Variants in KCNQ5 observed in about 807,000 individuals in gnomAD.
KCNQ5 encodes the protein potassium voltage-gated channel subfamily KQT member 5.
KCNQ5 carries 30 observed loss-of-function variants against 98.2 expected under a neutral mutation model. The ratio of observed to expected loss-of-function variants is 0.31; its 90% CI spans 0.23 to 0.41. The LOEUF (loss-of-function observed/expected upper bound fraction) is 0.41. KCNQ5 is among the 10% of genes least tolerant of loss of function. The probability of loss-of-function intolerance (pLI) is 1.00; values close to 1 mark genes in which losing one functional copy is unlikely to be tolerated. For synonymous variants in KCNQ5, 458 were observed against 449.4 expected (o/e 1.02, Z -0.24); for missense variants, 835 against 1,182.5 (o/e 0.71, Z 4.31).
chr6:72,703,880 T>C (rs1028293112), intron 1 of KCNQ5, among the ~76,000 whole-genome samples: 1 of 152,198 alleles, frequency 6.6e-6, no homozygotes, highest in African/African-American at 2.4e-5. Flanking sequence ...TTCCAAGAGA[T>C]TTTCTCTTAA....
intron 1 of KCNQ5, among the ~76,000 whole-genome samples, chr6:72,788,730 A>G (rs1232150619): frequency 1.3e-5 from 2 of 152,202 alleles, no homozygotes; most frequent in Non-Finnish European, 2.9e-5. Context: ...CAATAACAGT[A>G]TCATATACCT....
intron 10 of KCNQ5, among the ~76,000 whole-genome samples, chr6:73,161,559 T>C (rs552388349): frequency 6.6e-6 from 1 of 152,342 alleles, no homozygotes; most frequent in African/African-American, 2.4e-5. Context: ...GTTTTATGAA[T>C]GTAATAAATT....
rs150430363 is a variant in KCNQ5, at chr6:73,006,366, G to A, written c.489+2368G>A. On this transcript the variant is annotated intron_variant, in intron 2 of 13. Coordinates refer to ENST00000370398, the MANE Select transcript of KCNQ5 (RefSeq NM_019842.4). ...AAAAGCAATGGCTTTTAAAATGCTTGCAAGACCAGGCACAGTGACTCATGC... is the reference window on the plus strand; with the variant it reads ...AAAAGCAATGGCTTTTAAAATGCTTACAAGACCAGGCACAGTGACTCATGC... Among the ~76,000 whole-genome samples, 3 of 152,078 alleles carry A rather than the reference G, an allele frequency of 2.0e-5. No individual in the cohort carries two copies. The East Asian group carries it at 5.8e-4, about 29-fold the overall frequency.
intron 1 of KCNQ5, among the ~76,000 whole-genome samples, chr6:72,869,224 A>T (rs1415110204): frequency 6.6e-6 from 1 of 152,158 alleles, no homozygotes; most frequent in Non-Finnish European, 1.5e-5. Context: ...CCCAATAAGA[A>T]TTAGTGCTTA....
At chr6:73,136,480 C>T (rs16883366) in intron 10 of KCNQ5, among the ~76,000 whole-genome samples, 1 of 152,212 alleles carries the variant, frequency 6.6e-6, no homozygotes, top group African/African-American at 2.4e-5. Flanking sequence ...CTCCTGTCAT[C>T]TATTTTCTAG....
chr6:72,829,130 C>T (rs1019219527), intron 1 of KCNQ5, among the ~76,000 whole-genome samples: 11 of 152,050 alleles, frequency 7.2e-5, no homozygotes, highest in Non-Finnish European at 1.3e-4. Context: ...TCCCACAGTA[C>T]TGTGGCTCTC....
chr6:73,135,440 C>A (rs1582422599), intron 10 of KCNQ5: 3 of 143,322 alleles, frequency 2.1e-5, no homozygotes, highest in Admixed American at 6.9e-5. Context: ...TTTAGAAAAA[C>A]AAAATGTTAG....
intron 1 of KCNQ5, among the ~76,000 whole-genome samples, chr6:72,776,816 G>T (rs1163164766): frequency 1.3e-5 from 2 of 152,120 alleles, no homozygotes; most frequent in Non-Finnish European, 2.9e-5. Context: ...ACAGGGAGAG[G>T]CAGAAAAATA....
At chr6:72,744,897 G>A (rs893128804) in intron 1 of KCNQ5, among the ~76,000 whole-genome samples, 1 of 152,144 alleles carries the variant, frequency 6.6e-6, no homozygotes, top group Non-Finnish European at 1.5e-5. Flanking sequence ...AGTTAGAATG[G>A]GGAAGGTTTT....
intron 1 of KCNQ5, among the ~76,000 whole-genome samples, chr6:72,664,162 G>A (rs1277237109): frequency 6.6e-6 from 1 of 152,210 alleles, no homozygotes; most frequent in Non-Finnish European, 1.5e-5. Context: ...AGGAGGGGAT[G>A]TAGATAATGA....
Position 73,041,961 on chromosome 6 carries a change from G to T in KCNQ5, c.515G>T (p.Gly172Val). 6.2e-7 allele frequency: 1 copy of T among 1,613,886 alleles called. No homozygotes were observed. The highest frequency in any genetic ancestry group is 8.5e-7 in the Non-Finnish European group (1 of 1,179,804). ...ILEFVMIVVF[G>V]LEFIIRIWSA... ...GAGTTCGTGATGATTGTCGTCTTTG[G>T]TTTGGAGTTCATCATTCGAATCTGG... The change falls in exon 3 of 14, where the codon GGT (glycine) becomes GTT (valine). Residue 172 changes from glycine to valine, a missense_variant. Around this residue, in one of 10 missense-constraint regions of KCNQ5, gnomAD observed 48 missense variants for 112.1 expected, o/e 0.43. Coordinates refer to ENST00000370398, the MANE Select transcript of KCNQ5 (RefSeq NM_019842.4).
intron 1 of KCNQ5, among the ~76,000 whole-genome samples, chr6:72,799,989 C>T (rs1362665576): frequency 7.9e-5 from 12 of 151,862 alleles, no homozygotes; most frequent in Admixed American, 7.9e-4. Context: ...TATTTTAAGG[C>T]CATTTAGAAT....
chr6:72,856,443 CATACACACACACACACACACACATAT>C (rs1777532796), intron 1 of KCNQ5, among the ~76,000 whole-genome samples: 2 of 126,390 alleles, frequency 1.6e-5, no homozygotes, highest in Admixed American at 8.9e-5. Flanking sequence ...TGTATGTATA[CATACACACACACACACACACACATAT>C]ATACACACAC....
rs377699332 is a variant in KCNQ5 at position 72,744,537 on chromosome 6, A to C, written c.398+121950A>C. Among the ~76,000 whole-genome samples, 62 of 152,310 alleles carry C rather than the reference A, an allele frequency of 4.1e-4. 2 individuals carry two copies. The South Asian group carries it at 7.9e-3, about 19-fold the overall frequency. Reference sequence around the variant, plus strand: ...AGAAAAAGTGGTAAGAGGGCCAGGCACGGTGGCTCATGCCTGTAATCCCAG... The same window carrying C: ...AGAAAAAGTGGTAAGAGGGCCAGGCCCGGTGGCTCATGCCTGTAATCCCAG... On this transcript the variant is annotated intron_variant, in intron 1 of 13. Coordinates refer to ENST00000370398, the MANE Select transcript of KCNQ5 (RefSeq NM_019842.4).
chr6:72,802,395 C>T (rs181700158), intron 1 of KCNQ5, among the ~76,000 whole-genome samples: 20 of 152,104 alleles, frequency 1.3e-4, no homozygotes. Flanking sequence ...CATCACTGAC[C>T]TCTCATTCTT....
Position 73,086,917 on chromosome 6 carries a change from A to G in KCNQ5, c.918+9030A>G, listed in dbSNP as rs73753239. Among the ~76,000 whole-genome samples the G allele has an allele frequency of 6.5e-3, 997 of 152,308 alleles. 9 individuals carry two copies. Among genetic ancestry groups the G allele is most frequent in the African/African-American group, 0.023 (939 of 41,570 alleles). The stretch of plus-strand genomic sequence containing the variant: ...GTGAGGAAAATGGCAATTCCAGCTG[A>G]GGGAACAGCTTGTGCAAAGGCCCTG... On this transcript the variant is annotated intron_variant, in intron 5 of 13. Transcript: ENST00000370398.
At chr6:73,106,989 C>T (rs969027633) in intron 6 of KCNQ5, among the ~76,000 whole-genome samples, 1 of 151,736 alleles carries the variant, frequency 6.6e-6, no homozygotes, top group African/African-American at 2.4e-5. Flanking sequence ...AAAAATCTTA[C>T]GTATCCAAGG....
At chr6:72,902,405 T>A (rs1377048136) in intron 1 of KCNQ5, among the ~76,000 whole-genome samples, 1 of 152,234 alleles carries the variant, frequency 6.6e-6, no homozygotes, top group African/African-American at 2.4e-5. Flanking sequence ...AGAGTGGGCA[T>A]CCTTGTCTTG....
At position 73,195,363 on chromosome 6, in the gene KCNQ5, G is replaced by A. The variant is rs762406677; in HGVS notation, c.2748G>A (p.Lys916=). ...CACGATCATCTCAGAGCATTTGTAA[G>A]GCAGGAGAAAGTACAGATGCCCTCA... ...GRSRSSQSIC[K]AGESTDALSL... is the part of the protein sequence containing the mutation. Residue 916 remains lysine (K), a synonymous_variant, in exon 14 of 14, where the codon AAG becomes AAA. Transcript: ENST00000370398. The A allele has an allele frequency of 6.2e-7, 1 of 1,614,120 alleles. No individual in the cohort carries two copies. The highest frequency in any genetic ancestry group is 8.5e-7 in the Non-Finnish European group (1 of 1,180,016).
Sources: allele counts gnomAD v4.1 joint callset (sites outside exome capture counted in the v4.1 genomes callset), GRCh38; gene constraint gnomAD v4.1.1; regional missense constraint gnomAD v4.1.1; transcripts MANE v1.5; gene names NCBI Gene and HGNC (gene_info 2026-07-23, HGNC 2026-07-21).